CYP4F8: variants seen among roughly 807,000 people sequenced by gnomAD.
The protein encoded by CYP4F8 is cytochrome P450 4F8.
In CYP4F8, 56 loss-of-function variants were observed where a neutral mutation model predicts 55.0. That is an observed-to-expected ratio of 1.02 (90% CI 0.82 to 1.27). The LOEUF is 1.27. Among genes scored for constraint, CYP4F8 ranks in the 50% most tolerant of loss-of-function variants. The probability of loss-of-function intolerance (pLI) is 0.00; values close to 1 mark genes in which losing one functional copy is unlikely to be tolerated. For missense variants in CYP4F8, 680 were observed against 682.4 expected, an observed-to-expected ratio of 1.00 and a Z score of 0.04; for synonymous variants, 288 against 267.3, an observed-to-expected ratio of 1.08 and a Z score of -0.76.
At chr19:15,616,735 C>T (rs1376344992) in intron 2 of CYP4F8, among the ~76,000 whole-genome samples, 1 of 152,202 alleles carries the variant, frequency 6.6e-6, no homozygotes, top group African/African-American at 2.4e-5. Flanking sequence ...TTGTGTTGCC[C>T]AACCTGGATA....
chr19:15,628,108 A>G (rs983625415), intron 9 of CYP4F8, 194 bp from the exon 10 acceptor site: 1 of 781,096 alleles, frequency 1.3e-6, no homozygotes, highest in Non-Finnish European at 2.0e-6. Flanking sequence ...TTGCTCAGAA[A>G]TACCTCTAAA....
At chr19:15,615,898 G>T in intron 2 of CYP4F8, 84 bp downstream of exon 2, 11 of 680,516 alleles carry the variant, frequency 1.6e-5, no homozygotes, top group Non-Finnish European at 2.3e-5. Flanking sequence ...CTCGGGTCTG[G>T]GACGGCAGAG....
chr19:15,624,121 C>T, intron 9 of CYP4F8, 27 bp downstream of exon 9: 1 of 1,605,540 alleles, frequency 6.2e-7, no homozygotes, highest in Non-Finnish European at 8.5e-7. Flanking sequence ...GTGGCTCTGC[C>T]TTTCTGCCTT....
chr19:15,628,702 G>C lies in CYP4F8; in HGVS notation c.1315-59G>C. On this transcript the variant is annotated intron_variant, in intron 11 of 12. Transcript: ENST00000612078. ...TACTCCACCCACATCTGTTTTATGT[G>C]GGGGTGGCTGGGTGTCCTGAGAGGC... The C allele has an allele frequency of 2.5e-6, 4 of 1,609,078 alleles. No individual in the cohort carries two copies. The South Asian group carries it at 3.3e-5, about 13-fold the overall frequency.
rs565872608 is a variant in CYP4F8, at chr19:15,623,238, A to G, written c.781A>G (p.Arg261Gly). Residue 261 changes from arginine to glycine, a missense_variant, in exon 7 of 13, where the codon AGA becomes GGA. Arg to Gly is a moderately radical substitution (Grantham distance 125, BLOSUM62 -2). Coordinates refer to ENST00000612078, the MANE Select transcript of CYP4F8 (RefSeq NM_007253.4). ...TGGACGGCGCTTCCACAGGGCCTGC[A>G]GACTGGTGCACGACTTCACAGATGC... The part of the protein sequence containing the change: ...PCGRRFHRAC[R>G]LVHDFTDAVI... 6.2e-7 allele frequency: 1 copy of G among 1,614,074 alleles called. No homozygotes were observed. The highest frequency in any genetic ancestry group is 1.1e-5 in the South Asian group (1 of 91,082).
At chr19:15,619,387 T>C in intron 3 of CYP4F8, 103 bp from the exon 4 acceptor site, 8 of 1,403,844 alleles carry the variant, frequency 5.7e-6, no homozygotes, top group Non-Finnish European at 7.8e-6. Context: ...TATGCTGGGC[T>C]TGGAGAAAAG....
chr19:15,626,869 A>T (rs950556758), intron 9 of CYP4F8, among the ~76,000 whole-genome samples: 2 of 152,080 alleles, frequency 1.3e-5, no homozygotes, highest in Admixed American at 1.3e-4. Flanking sequence ...AAAGGAAAAG[A>T]CTCCACCTTG....
At chr19:15,626,618 T>TATCTATC (rs1458812130) in intron 9 of CYP4F8, among the ~76,000 whole-genome samples, 4 of 144,580 alleles carry the variant, frequency 2.8e-5, no homozygotes, top group Non-Finnish European at 4.6e-5. Flanking sequence ...TCTATCTATC[T>TATCTATC]ATCTATCTAT....
intron 1 of CYP4F8, 153 bp from the exon 2 acceptor site, chr19:15,615,463 C>T: frequency 2.7e-6 from 2 of 752,086 alleles, no homozygotes; most frequent in Non-Finnish European, 4.0e-6. Context: ...TTTTGTGTCA[C>T]TTCTCCTCTC....
At chr19:15,622,560 G>A (rs538805057) in intron 6 of CYP4F8, among the ~76,000 whole-genome samples, 1 of 152,272 alleles carries the variant, frequency 6.6e-6, no homozygotes, top group Admixed American at 6.5e-5. Flanking sequence ...AGGCTAAGAT[G>A]AACAGAGCAT....
At chr19:15,621,234 T>A (rs956119533) in intron 5 of CYP4F8, among the ~76,000 whole-genome samples, 2 of 152,196 alleles carry the variant, frequency 1.3e-5, no homozygotes, top group Non-Finnish European at 2.9e-5. Context: ...TGCTGAGAAA[T>A]AGCCCAGATT....
chr19:15,629,383 C>T lies in CYP4F8; in HGVS notation c.*25C>T, dbSNP rs1335149002. On this transcript the variant is annotated 3_prime_UTR_variant, in exon 13 of 13. Transcript: ENST00000612078. Reference sequence around the variant, plus strand: ...AGGCCTGCAGTGACCCACCCACCTACCTTTGCATCACCTACCTTTGCACCA... The same window carrying T: ...AGGCCTGCAGTGACCCACCCACCTATCTTTGCATCACCTACCTTTGCACCA... The T allele has an allele frequency of 5.7e-6, 9 of 1,578,660 alleles. No individual in the cohort carries two copies. Among genetic ancestry groups the T allele is most frequent in the Non-Finnish European group, 7.7e-6 (9 of 1,162,230 alleles).
At chr19:15,625,376 T>G (rs1972249837) in intron 9 of CYP4F8, among the ~76,000 whole-genome samples, 1 of 147,164 alleles carries the variant, frequency 6.8e-6, no homozygotes, top group Admixed American at 6.8e-5. Context: ...ATATATATAG[T>G]GTTTGTGTAT....
chr19:15,626,126 C>A (rs533097712), intron 9 of CYP4F8, among the ~76,000 whole-genome samples: 36 of 152,280 alleles, frequency 2.4e-4, no homozygotes, highest in Middle Eastern at 6.8e-3. Context: ...CTTTTCTCTT[C>A]AGTTCTGTAG....
intron 2 of CYP4F8, 129 bp from the exon 3 acceptor site, chr19:15,617,871 C>A: frequency 8.4e-7 from 1 of 1,196,244 alleles, no homozygotes; most frequent in Non-Finnish European, 1.1e-6. Flanking sequence ...CTCAGTTTTC[C>A]TTCAAATGCT....
In CYP4F8 at chr19:15,629,454, G is replaced by A; in HGVS notation, c.*96G>A. On this transcript the variant is annotated 3_prime_UTR_variant, in exon 13 of 13. Coordinates refer to ENST00000612078, the MANE Select transcript of CYP4F8 (RefSeq NM_007253.4). ...GTAATAAATCTGTGTTGGCCCCTGT[G>A]CCTCAGTCCCGCGGATGGCCAGTAG... The A allele has an allele frequency of 7.0e-7, 1 of 1,438,194 alleles. No homozygotes were observed. Among genetic ancestry groups the A allele is most frequent in the East Asian group, 2.6e-5 (1 of 38,892 alleles). The allele number at this position is 1,438,194 out of a possible 1,614,324, so 89.1% of individuals were successfully genotyped here.
chr19:15,618,226 C>T (rs1972149149), intron 3 of CYP4F8, 82 bp downstream of exon 3: 2 of 1,597,284 alleles, frequency 1.3e-6, no homozygotes, highest in Non-Finnish European at 1.7e-6. Context: ...TTCTGTGCAG[C>T]TCTTGTAGTA....
intron 2 of CYP4F8, among the ~76,000 whole-genome samples, chr19:15,616,041 CG>C: frequency 7.0e-6 from 1 of 142,970 alleles, no homozygotes; most frequent in African/African-American, 2.6e-5. Flanking sequence ...CATTCCTCTG[CG>C]CACTCACTCA....
intron 9 of CYP4F8, among the ~76,000 whole-genome samples, chr19:15,624,777 T>C (rs1227374103): frequency 6.6e-6 from 1 of 152,236 alleles, no homozygotes; most frequent in African/African-American, 2.4e-5. Context: ...GTTATTTTAA[T>C]GAACATAACT....
Sources: gnomAD v4.1 joint callset for allele counts (sites outside exome capture counted in the v4.1 genomes callset) on GRCh38, gnomAD v4.1.1 for gene constraint, MANE v1.5 for transcripts, NCBI Gene and HGNC (gene_info 2026-07-23, HGNC 2026-07-21) for gene names.